The following DENND1A variants were observed in gnomAD, a reference collection of about 807,000 sequenced individuals.
The protein encoded by DENND1A is DENN domain containing 1A, also known as DENN domain-containing protein 1A.
In DENND1A, 51 loss-of-function variants were observed where a neutral mutation model predicts 113.7. The ratio of observed to expected loss-of-function variants is 0.45; its 90% confidence interval spans 0.36 to 0.57. DENND1A has a LOEUF of 0.57. Ranked by LOEUF, DENND1A falls within the 20% of genes least tolerant of loss-of-function variation. The probability of loss-of-function intolerance (pLI) is 0.00; values close to 1 mark genes in which losing one functional copy is unlikely to be tolerated. For missense variants in DENND1A, 1,258 were observed against 1,395.9 expected, an observed-to-expected ratio of 0.90 and a Z score of 1.57; for synonymous variants, 565 against 570.8, an observed-to-expected ratio of 0.99 and a Z score of 0.14.
intron 12 of DENND1A, among the ~76,000 whole-genome samples, chr9:123,574,191 TG>T (rs368056031): frequency 0.02 from 2,799 of 139,436 alleles, 58 homozygotes; most frequent in Non-Finnish European, 0.03. Context: ...TTTTTTTTTT[TG>T]TTTGTAAATT....
chr9:123,725,714 C>T (rs2067656482), intron 5 of DENND1A, among the ~76,000 whole-genome samples: 1 of 152,214 alleles, frequency 6.6e-6, no homozygotes, highest in African/African-American at 2.4e-5. Context: ...CCTCACTGCT[C>T]GGATGCTTCC....
At chr9:123,638,295 C>T in intron 9 of DENND1A, among the ~76,000 whole-genome samples, 1 of 152,116 alleles carries the variant, frequency 6.6e-6, no homozygotes, top group East Asian at 1.9e-4. Context: ...GAGGAAAGAG[C>T]TTTCTTTCCT....
chr9:123,396,944 G>A (rs1011379056), intron 21 of DENND1A, among the ~76,000 whole-genome samples: 1 of 152,210 alleles, frequency 6.6e-6, no homozygotes, highest in African/African-American at 2.4e-5. Flanking sequence ...TAAGGGTAAA[G>A]GCTTTTGGTC....
rs59315702 is a variant in DENND1A, at chr9:123,895,628, A to AAG, written c.18-16608_18-16607insCT. Among the ~76,000 whole-genome samples the AAG allele has an allele frequency of 4.0e-5, 6 of 151,822 alleles. 1 individual carries two copies. Among genetic ancestry groups the AAG allele is most frequent in the African/African-American group, 1.5e-4 (6 of 41,314 alleles). On this transcript the variant is annotated intron_variant, in intron 1 of 23. Coordinates refer to ENST00000394215, the MANE Select transcript of DENND1A (RefSeq NM_001352964.2). ...TAGAGTGAGACTCTGACTCAAAAAA[A>AAG]AAAAAAGAAAAAAAGAAAAGAACAA...
At chr9:123,462,572 G>A (rs761010363) in intron 13 of DENND1A, among the ~76,000 whole-genome samples, 6 of 152,174 alleles carry the variant, frequency 3.9e-5, no homozygotes, top group African/African-American at 7.2e-5. Context: ...TGAGGTGGGC[G>A]GATCACCTGT....
In DENND1A at chr9:123,387,744, G is replaced by A. The variant is rs775142665; in HGVS notation, c.1746C>T (p.Ser582=). Residue 582 remains serine (S), a synonymous_variant, in exon 22 of 24, where the codon TCC becomes TCT. Transcript: ENST00000394215. ...GAAGGAGAGACCATTCAAAGGGAGCGGAGAAGAAAAAGCTCTCGGTGAAGC... is the reference window on the plus strand; with the variant it reads ...GAAGGAGAGACCATTCAAAGGGAGCAGAGAAGAAAAAGCTCTCGGTGAAGC... ...SSGFTESFFF[S]APFEWPQPYR... 1.9e-5 allele frequency: 24 copies of A among 1,289,702 alleles called. No homozygotes were observed. The highest frequency in any genetic ancestry group is 2.1e-4 in the Middle Eastern group (1 of 4,716). The allele number at this position is 1,289,702 out of a possible 1,614,324, so 79.9% of individuals were successfully genotyped here.
chr9:123,862,313 A>T (rs929958187), intron 2 of DENND1A, among the ~76,000 whole-genome samples: 1 of 152,202 alleles, frequency 6.6e-6, no homozygotes, highest in East Asian at 1.9e-4. Context: ...AGCAAAATCC[A>T]GTCCTGAGTC....
chr9:123,711,486 A>AAAATATATATCTATATGTATATATGT (rs1318894625), intron 5 of DENND1A, among the ~76,000 whole-genome samples: 1 of 101,790 alleles, frequency 9.8e-6, no homozygotes, highest in African/African-American at 3.7e-5. Context: ...TAAATTAAAA[A>AAAATATATATCTATATGTATATATGT]ATATATATAT....
intron 12 of DENND1A, among the ~76,000 whole-genome samples, chr9:123,579,779 T>C (rs2058799644): frequency 6.6e-6 from 1 of 152,180 alleles, no homozygotes. Flanking sequence ...CAGGGCACGA[T>C]TTCTCCTCTT....
intron 19 of DENND1A, among the ~76,000 whole-genome samples, chr9:123,431,175 G>A (rs2046105779): frequency 6.6e-6 from 1 of 152,206 alleles, no homozygotes; most frequent in Non-Finnish European, 1.5e-5. Context: ...TGATGCCAAA[G>A]TAATTGTGGG....
intron 13 of DENND1A, among the ~76,000 whole-genome samples, chr9:123,513,819 C>A (rs538381242): frequency 1.4e-4 from 22 of 152,166 alleles, no homozygotes; most frequent in Non-Finnish European, 2.6e-4. Flanking sequence ...GTGTCACATA[C>A]CCTTTTGATC....
chr9:123,477,473 C>T (rs1041567792), intron 13 of DENND1A, among the ~76,000 whole-genome samples: 6 of 151,386 alleles, frequency 4.0e-5, no homozygotes, highest in Non-Finnish European at 4.4e-5. Flanking sequence ...CAGGGTATCA[C>T]TTGAGCCCGT....
chr9:123,483,461 T>C (rs953001048), intron 13 of DENND1A, among the ~76,000 whole-genome samples: 2 of 152,246 alleles, frequency 1.3e-5, no homozygotes, highest in African/African-American at 4.8e-5. Flanking sequence ...GCCTGGGTCT[T>C]GCAGGCCAGC....
intron 12 of DENND1A, among the ~76,000 whole-genome samples, chr9:123,576,597 C>T (rs1287335779): frequency 6.6e-6 from 1 of 152,112 alleles, no homozygotes; most frequent in Non-Finnish European, 1.5e-5. Context: ...CTCCTGGGTT[C>T]AAGCGATTCT....
chr9:123,879,123 T>C, intron 1 of DENND1A, 102 bp from the exon 2 acceptor site: 1 of 1,169,494 alleles, frequency 8.6e-7, no homozygotes, highest in Non-Finnish European at 1.2e-6. Flanking sequence ...AATCATTAGC[T>C]CACAACTTAA....
At chr9:123,598,049 A>ATG (rs2059774329) in intron 11 of DENND1A, among the ~76,000 whole-genome samples, 1 of 151,860 alleles carries the variant, frequency 6.6e-6, no homozygotes, top group Non-Finnish European at 1.5e-5. Context: ...AGACAGATAC[A>ATG]GTTAAGGGAG....
chr9:123,637,211 A>C (rs1192046175), intron 9 of DENND1A, among the ~76,000 whole-genome samples: 1 of 152,210 alleles, frequency 6.6e-6, no homozygotes, highest in East Asian at 1.9e-4. Context: ...CATAAACGCA[A>C]AGAAATGAAT....
intron 11 of DENND1A, among the ~76,000 whole-genome samples, chr9:123,588,613 T>C (rs1241630762): frequency 5.1e-4 from 44 of 86,766 alleles, no homozygotes; most frequent in African/African-American, 1.9e-3. Context: ...AGAGTGAAAC[T>C]CCATCTCAAA....
chr9:123,585,157 C>T (rs2059102599), intron 11 of DENND1A, among the ~76,000 whole-genome samples: 1 of 152,196 alleles, frequency 6.6e-6, no homozygotes, highest in South Asian at 2.1e-4. Flanking sequence ...CCTCCAACTC[C>T]TTCTGCTATC....
Sources: allele counts gnomAD v4.1 joint callset (sites outside exome capture counted in the v4.1 genomes callset), GRCh38; gene constraint gnomAD v4.1.1; transcripts MANE v1.5; gene names NCBI Gene and HGNC (gene_info 2026-07-23, HGNC 2026-07-21).